Variants in FGF1 observed in about 807,000 individuals in gnomAD.
The protein encoded by FGF1 is beta-endothelial cell growth factor.
FGF1 carries 9 observed loss-of-function variants against 13.4 expected under a neutral mutation model. The ratio of observed to expected loss-of-function variants is 0.67; its 90% CI spans 0.40 to 1.17. The LOEUF is 1.17. FGF1 is among the 50% of genes most tolerant of loss of function. The probability of loss-of-function intolerance (pLI) is 0.01; values close to 1 mark genes in which losing one functional copy is unlikely to be tolerated. For missense variants in FGF1, 156 were observed against 192.7 expected, an observed-to-expected ratio of 0.81 and a Z score of 1.13; for synonymous variants, 93 against 79.0, an observed-to-expected ratio of 1.18 and a Z score of -0.94.
At chr5:142,677,098 G>A (rs72796621) in intron 1 of FGF1, among the ~76,000 whole-genome samples, 22,446 of 152,168 alleles carry the variant, frequency 0.15, 1,935 homozygotes, top group Non-Finnish European at 0.19. Context: ...TCCAGGGAGC[G>A]ACTCTGGAGC....
At chr5:142,595,667 A>G (rs1755100929) in intron 3 of FGF1, among the ~76,000 whole-genome samples, 183 bp from the exon 4 acceptor site, 1 of 152,226 alleles carries the variant, frequency 6.6e-6, no homozygotes, top group South Asian at 2.1e-4. Flanking sequence ...GACTTAGAAC[A>G]GCACCGGGCA....
chr5:142,610,131 A>G (rs1758744434), intron 2 of FGF1, among the ~76,000 whole-genome samples: 1 of 152,206 alleles, frequency 6.6e-6, no homozygotes, highest in Non-Finnish European at 1.5e-5. Flanking sequence ...AATAATTAGT[A>G]ACTTCTCAAG....
At chr5:142,693,214 T>C (rs1182882623) in intron 2 of FGF1, among the ~76,000 whole-genome samples, 1 of 152,208 alleles carries the variant, frequency 6.6e-6, no homozygotes. Flanking sequence ...CAGGGTGAGA[T>C]CACATCCTTT....
intron 1 of FGF1, among the ~76,000 whole-genome samples, chr5:142,616,904 T>C (rs1476274356): frequency 6.6e-6 from 1 of 152,238 alleles, no homozygotes. Flanking sequence ...ATGTACTTCA[T>C]TTGGTACAGG....
At chr5:142,595,738 T>C (rs934475592) in intron 3 of FGF1, among the ~76,000 whole-genome samples, 4 of 152,170 alleles carry the variant, frequency 2.6e-5, no homozygotes, top group Non-Finnish European at 5.9e-5. Context: ...TTAAAATCCA[T>C]TGTAAAGTAA....
intron 1 of FGF1, among the ~76,000 whole-genome samples, chr5:142,653,462 C>T (rs1340089556): frequency 6.6e-6 from 1 of 152,174 alleles, no homozygotes; most frequent in African/African-American, 2.4e-5. Flanking sequence ...CTCTCCAGCC[C>T]GGCCTCCCAG....
In FGF1 at chr5:142,664,876, A is replaced by T. The variant is rs970215184; in HGVS notation, c.-35+21081T>A. Reference sequence around the variant, plus strand: ...TCTGAACCTCAGTTTCCTCTTTTCTATAATGGAGATTACAGTATTACCTAA... The same window carrying T: ...TCTGAACCTCAGTTTCCTCTTTTCTTTAATGGAGATTACAGTATTACCTAA... On this transcript the variant is annotated intron_variant, in intron 1 of 3. Coordinates refer to ENST00000337706, the MANE Select transcript of FGF1 (RefSeq NM_000800.5). 2.6e-5 allele frequency among the ~76,000 whole-genome samples: 4 copies of T among 152,182 alleles called. No individual in the cohort carries two copies. The South Asian group carries it at 6.2e-4, about 24-fold the overall frequency.
chr5:142,663,429 G>A lies in FGF1; in HGVS notation c.-35+22528C>T, dbSNP rs114068864. Reference sequence around the variant, plus strand: ...GACAGGGAAGTCTTTGAGAAGATGGGAAAGTATGACTCAGTGGCTTGGAGG... The same window carrying A: ...GACAGGGAAGTCTTTGAGAAGATGGAAAAGTATGACTCAGTGGCTTGGAGG... On this transcript the variant is annotated intron_variant, in intron 1 of 3. Coordinates refer to ENST00000337706, the MANE Select transcript of FGF1 (RefSeq NM_000800.5). 6.1e-3 allele frequency among the ~76,000 whole-genome samples: 932 copies of A among 152,310 alleles called. 9 individuals are homozygous for A. The highest frequency in any genetic ancestry group is 0.021 in the African/African-American group (888 of 41,554).
rs201930489 is a variant in FGF1 at position 142,618,913 on chromosome 5, A to AT, written c.-34-4753dup. Reference sequence around the variant, plus strand: ...CAAAGGAAGGCAAACACTGACATTTATTTTTTAGTTGTTTTGTTTTTTTTT... The same window carrying AT: ...CAAAGGAAGGCAAACACTGACATTTATTTTTTTAGTTGTTTTGTTTTTTTTT... On this transcript the variant is annotated intron_variant, in intron 1 of 3. Coordinates refer to ENST00000337706, the MANE Select transcript of FGF1 (RefSeq NM_000800.5). Among the ~76,000 whole-genome samples the AT allele has an allele frequency of 6.3e-5, 7 of 111,026 alleles. No homozygotes were observed. In the East Asian group the frequency reaches 1.0e-3, roughly 16 times the overall value. 72.8% of individuals were successfully genotyped at this position (111,026 alleles called of 152,430 possible).
chr5:142,667,445 G>A (rs1770608600), intron 1 of FGF1, among the ~76,000 whole-genome samples: 1 of 151,574 alleles, frequency 6.6e-6, no homozygotes, highest in Non-Finnish European at 1.5e-5. Context: ...AATTAGCTGG[G>A]CGCGGTGGCG....
intron 1 of FGF1, among the ~76,000 whole-genome samples, chr5:142,621,766 C>T (rs930790633): frequency 6.6e-6 from 1 of 152,184 alleles, no homozygotes; most frequent in Non-Finnish European, 1.5e-5. Context: ...TTTCCCATCA[C>T]GTCTCCCTCC....
intron 2 of FGF1, among the ~76,000 whole-genome samples, chr5:142,608,142 G>C (rs1446584793): frequency 6.6e-6 from 1 of 152,148 alleles, no homozygotes; most frequent in Admixed American, 6.6e-5. Context: ...TCCCATCCCA[G>C]GCAAATGTAA....
rs1754993467 is a variant in FGF1 at position 142,595,177 on chromosome 5, G to A, written c.*113C>T. 2.5e-6 allele frequency: 2 copies of A among 810,660 alleles called. No individual in the cohort carries two copies. Among genetic ancestry groups the A allele is most frequent in the Non-Finnish European group, 4.0e-6 (2 of 505,630 alleles). 50.2% of individuals were successfully genotyped at this position (810,660 alleles called of 1,614,324 possible). On this transcript the variant is annotated 3_prime_UTR_variant, in exon 4 of 4. Coordinates refer to ENST00000337706, the MANE Select transcript of FGF1 (RefSeq NM_000800.5). ...AGAAGCAAGTTGCTTACAAATTCAG[G>A]CTCTGTGGGCTGGGGGTTAGCGCAG...
chr5:142,599,593 AGG>A, intron 3 of FGF1, among the ~76,000 whole-genome samples: 1 of 152,212 alleles, frequency 6.6e-6, no homozygotes, highest in Non-Finnish European at 1.5e-5. Flanking sequence ...GATACAGAGG[AGG>A]GAACATTAAA....
chr5:142,670,051 T>C (rs1771163736), intron 1 of FGF1, among the ~76,000 whole-genome samples: 1 of 152,184 alleles, frequency 6.6e-6, no homozygotes, highest in Admixed American at 6.5e-5. Flanking sequence ...AGCCTCGGGA[T>C]TGATCTCCTG....
chr5:142,676,133 A>G (rs1772558973), intron 1 of FGF1, among the ~76,000 whole-genome samples: 1 of 152,204 alleles, frequency 6.6e-6, no homozygotes, highest in Non-Finnish European at 1.5e-5. Flanking sequence ...CCCCTGGAAG[A>G]AAAAAGGCCG....
chr5:142,629,946 T>C (rs183621637), intron 1 of FGF1, among the ~76,000 whole-genome samples: 1 of 149,056 alleles, frequency 6.7e-6, no homozygotes, highest in Admixed American at 6.8e-5. Context: ...CAGGCTGGAG[T>C]GCAGTGGCAT....
chr5:142,697,182 G>T (rs1753266176), intron 2 of FGF1, among the ~76,000 whole-genome samples: 1 of 152,198 alleles, frequency 6.6e-6, no homozygotes, highest in African/African-American at 2.4e-5. Context: ...AAGAGGCTCT[G>T]CATGTCTCAT....
At chr5:142,634,274 C>G (rs1365976186) in intron 1 of FGF1, among the ~76,000 whole-genome samples, 1 of 152,000 alleles carries the variant, frequency 6.6e-6, no homozygotes, top group Non-Finnish European at 1.5e-5. Context: ...CCACTGTGAC[C>G]ACATCTCCCA....
Sources: gnomAD v4.1 joint callset for allele counts (sites outside exome capture counted in the v4.1 genomes callset) on GRCh38, gnomAD v4.1.1 for gene constraint, MANE v1.5 for transcripts, NCBI Gene and HGNC (gene_info 2026-07-23, HGNC 2026-07-21) for gene names.